Variants in COL11A1 observed in about 807,000 individuals in gnomAD.
COL11A1 encodes collagen type XI alpha 1 chain.
COL11A1 carries 74 observed loss-of-function variants against 265.2 expected under a neutral mutation model. That is an observed-to-expected ratio of 0.28 (90% CI 0.23 to 0.34). The LOEUF (loss-of-function observed/expected upper bound fraction) is 0.34, where lower values mean the gene tolerates loss of function less well. Among genes scored for constraint, COL11A1 ranks in the 10% least tolerant of loss-of-function variants. The pLI is 1.00. For missense variants in COL11A1, 2,165 were observed against 2,263.6 expected, an observed-to-expected ratio of 0.96 and a Z score of 0.88; for synonymous variants, 816 against 727.6, an observed-to-expected ratio of 1.12 and a Z score of -1.96.
intron 42 of COL11A1, among the ~76,000 whole-genome samples, chr1:102,945,718 A>T (rs1033760935): frequency 1.3e-5 from 2 of 152,178 alleles, no homozygotes; most frequent in Non-Finnish European, 2.9e-5. Context: ...AATCATTTTT[A>T]AAAAATACAA....
intron 36 of COL11A1, among the ~76,000 whole-genome samples, chr1:102,970,706 G>C (rs1661885108): frequency 1.3e-5 from 2 of 151,994 alleles, no homozygotes; most frequent in African/African-American, 4.8e-5. Flanking sequence ...GGTAATCCGA[G>C]CTTCTAACTG....
At chr1:102,903,197 C>T (rs958976053) in intron 54 of COL11A1, among the ~76,000 whole-genome samples, 6 of 152,038 alleles carry the variant, frequency 3.9e-5, no homozygotes, top group African/African-American at 1.4e-4. Flanking sequence ...AGGAAATATA[C>T]ATTCATTCTC....
At chr1:102,979,037 T>A (rs751562481) in intron 33 of COL11A1, 23 bp downstream of exon 33, 7 of 1,612,820 alleles carry the variant, frequency 4.3e-6, no homozygotes, top group South Asian at 2.2e-5. Context: ...AAAATGTACA[T>A]CATTTTAAAT....
At chr1:102,949,252 A>G (rs1314486113) in intron 41 of COL11A1, among the ~76,000 whole-genome samples, 1 of 152,054 alleles carries the variant, frequency 6.6e-6, no homozygotes, top group African/African-American at 2.4e-5. Flanking sequence ...TAAGGTGACT[A>G]TATTACAATT....
In COL11A1 at chr1:102,879,771, T is replaced by C; in HGVS notation, c.5186A>G (p.Asp1729Gly). ...TGATCCCAGGAAGCGAAGTGCTTTG[T>C]CATAACTTCCTGATGACACATCATA... ...AWYDVSSGSY[D>G]KALRFLGSND... Residue 1729 changes from aspartate to glycine, a missense_variant, in exon 66 of 67, where the codon GAC (aspartate) becomes GGC (glycine). Physicochemically the swap from Asp to Gly is moderately conservative, Grantham distance 94 (BLOSUM62 -1). Coordinates refer to ENST00000370096, the MANE Select transcript of COL11A1 (RefSeq NM_001854.4). 6.2e-7 allele frequency: 1 copy of C among 1,613,974 alleles called. No individual in the cohort carries two copies. The highest frequency in any genetic ancestry group is 8.5e-7 in the Non-Finnish European group (1 of 1,179,898).
chr1:103,002,922 A>T, intron 21 of COL11A1, 131 bp from the exon 22 acceptor site: 1 of 912,734 alleles, frequency 1.1e-6, no homozygotes, highest in Non-Finnish European at 1.7e-6. Flanking sequence ...ATTTAATGGA[A>T]ACGAAGAAGA....
chr1:103,102,594 C>T (rs1055738002), intron 1 of COL11A1, among the ~76,000 whole-genome samples: 16 of 151,982 alleles, frequency 1.1e-4, no homozygotes, highest in South Asian at 4.1e-4. Flanking sequence ...CTAATGATCA[C>T]GCCATCCATG....
intron 4 of COL11A1, among the ~76,000 whole-genome samples, chr1:103,039,062 C>G (rs1039370991): frequency 7.9e-5 from 12 of 152,190 alleles, no homozygotes; most frequent in Admixed American, 7.9e-4. Flanking sequence ...GGGTCAATCT[C>G]TTAAGTCTAA....
At chr1:103,059,490 A>C (rs12740092) in intron 4 of COL11A1, among the ~76,000 whole-genome samples, 1 of 152,268 alleles carries the variant, frequency 6.6e-6, no homozygotes, top group South Asian at 2.1e-4. Flanking sequence ...GGCATACTGC[A>C]AGGAAAAGAA....
intron 8 of COL11A1, among the ~76,000 whole-genome samples, 165 bp from the exon 9 acceptor site, chr1:103,021,934 C>T (rs1163064554): frequency 6.6e-6 from 1 of 151,540 alleles, no homozygotes; most frequent in African/African-American, 2.4e-5. Flanking sequence ...TGCAAGCTCG[C>T]CTGCCGGGTT....
chr1:102,897,108 T>C (rs1277287090), intron 57 of COL11A1, among the ~76,000 whole-genome samples: 1 of 152,046 alleles, frequency 6.6e-6, no homozygotes, highest in African/African-American at 2.4e-5. Context: ...AAAGTTTAAA[T>C]AATCTCTTTA....
chr1:102,928,381 G>C (rs934097667), intron 46 of COL11A1, among the ~76,000 whole-genome samples: 1 of 151,230 alleles, frequency 6.6e-6, no homozygotes, highest in Non-Finnish European at 1.5e-5. Context: ...ATAGTTTACT[G>C]AGAATGATGA....
At chr1:103,083,509 A>G (rs932108465) in intron 1 of COL11A1, among the ~76,000 whole-genome samples, 3 of 152,158 alleles carry the variant, frequency 2.0e-5, no homozygotes, top group Non-Finnish European at 4.4e-5. Flanking sequence ...AATGGATGTT[A>G]TATGTAAACT....
chr1:103,025,320 C>G (rs550128248), intron 7 of COL11A1, among the ~76,000 whole-genome samples: 1 of 152,140 alleles, frequency 6.6e-6, no homozygotes, highest in Non-Finnish European at 1.5e-5. Flanking sequence ...CAAAGAGTCA[C>G]GCAAAACCTG....
At chr1:102,920,188 T>C in intron 49 of COL11A1, 123 bp downstream of exon 49, 2 of 930,710 alleles carry the variant, frequency 2.1e-6, no homozygotes, top group Non-Finnish European at 3.5e-6. Flanking sequence ...AGATGACATG[T>C]GAATCATATA....
rs1380254111 is a variant in COL11A1 at position 102,889,577 on chromosome 1, G to T, written c.4357-15C>A. 1.1e-5 allele frequency: 17 copies of T among 1,564,708 alleles called. No individual in the cohort carries two copies. In the Admixed American group the frequency reaches 2.0e-4, roughly 19 times the overall value. On this transcript the variant is annotated splice_polypyrimidine_tract_variant and intron_variant, in intron 58 of 66. Transcript: ENST00000370096. ...CCAGGATGTCCCTTTGAAAGGCAGA[G>T]AAAAAAAATAATAACATGTACATTA... is the stretch of plus-strand genomic sequence containing the variant.
chr1:102,969,032 T>C (rs1482591871), intron 37 of COL11A1, among the ~76,000 whole-genome samples: 2 of 152,200 alleles, frequency 1.3e-5, no homozygotes, highest in African/African-American at 4.8e-5. Flanking sequence ...CATTTGCAAA[T>C]TGAGTGTTGA....
At chr1:102,935,282 T>C (rs1342560471) in intron 44 of COL11A1, among the ~76,000 whole-genome samples, 169 bp from the exon 45 acceptor site, 1 of 152,252 alleles carries the variant, frequency 6.6e-6, no homozygotes, top group Non-Finnish European at 1.5e-5. Flanking sequence ...TTTATTTTAC[T>C]CCTTGAGACT....
intron 7 of COL11A1, among the ~76,000 whole-genome samples, chr1:103,023,681 A>T (rs1172109541): frequency 6.6e-6 from 1 of 152,164 alleles, no homozygotes. Context: ...TTTAAATCTT[A>T]CAGAACATCA....
Sources: allele counts gnomAD v4.1 joint callset (sites outside exome capture counted in the v4.1 genomes callset), GRCh38; gene constraint gnomAD v4.1.1; transcripts MANE v1.5; gene names NCBI Gene and HGNC (gene_info 2026-07-23, HGNC 2026-07-21).